Variants in RNF220 observed in about 807,000 individuals in gnomAD.
RNF220 encodes ring finger protein 220, also known as E3 ubiquitin-protein ligase RNF220.
RNF220 carries 7 observed loss-of-function variants against 67.1 expected under a neutral mutation model. That is an observed-to-expected ratio of 0.10 (90% CI 0.06 to 0.20). The LOEUF (loss-of-function observed/expected upper bound fraction) is 0.20. RNF220 is among the 10% of genes least tolerant of loss of function. RNF220 has a pLI of 1.00. For synonymous variants in RNF220, 270 were observed against 283.2 expected (o/e 0.95, Z 0.47); for missense variants, 565 against 740.3 (o/e 0.76, Z 2.75).
At chr1:44,520,453 G>A (rs567663751) in intron 2 of RNF220, among the ~76,000 whole-genome samples, 20 of 152,222 alleles carry the variant, frequency 1.3e-4, no homozygotes, top group Non-Finnish European at 2.4e-4. Flanking sequence ...GTGACAGAGC[G>A]AGACTCCGTC....
chr1:44,529,824 G>A (rs927406854), intron 2 of RNF220, among the ~76,000 whole-genome samples: 1 of 152,144 alleles, frequency 6.6e-6, no homozygotes, highest in Non-Finnish European at 1.5e-5. Flanking sequence ...GCCAAGGTGG[G>A]CGGATTGCCT....
At chr1:44,636,604 T>A in intron 8 of RNF220, 1 of 611,624 alleles carries the variant, frequency 1.6e-6, no homozygotes, top group Non-Finnish European at 3.0e-6. Flanking sequence ...TTCCTCCTCC[T>A]CCTCTTCAGC....
At chr1:44,471,017 A>C (rs115008088) in intron 2 of RNF220, among the ~76,000 whole-genome samples, 1 of 152,086 alleles carries the variant, frequency 6.6e-6, no homozygotes, top group East Asian at 1.9e-4. Context: ...ACTTGAGCTC[A>C]GGCATTCGAG....
At chr1:44,535,135 C>CTTTT (rs903715852) in intron 2 of RNF220, among the ~76,000 whole-genome samples, 93 of 102,956 alleles carry the variant, frequency 9.0e-4, no homozygotes, top group African/African-American at 1.7e-3. Context: ...GCAGCTTCTT[C>CTTTT]TTTTTTTTTT....
intron 2 of RNF220, among the ~76,000 whole-genome samples, chr1:44,458,336 GTTT>G (rs57080249): frequency 1.6e-4 from 22 of 141,202 alleles, no homozygotes; most frequent in South Asian, 2.2e-4. Flanking sequence ...GATTTTTCCA[GTTT>G]TTTTTTTTTT....
intron 2 of RNF220, among the ~76,000 whole-genome samples, chr1:44,581,115 C>T (rs370846705): frequency 3.3e-5 from 5 of 152,184 alleles, no homozygotes; most frequent in South Asian, 2.1e-4. Context: ...TGGTGCTGAT[C>T]GGGGAAGGTT....
At chr1:44,500,334 C>T (rs959078597) in intron 2 of RNF220, among the ~76,000 whole-genome samples, 5 of 152,216 alleles carry the variant, frequency 3.3e-5, no homozygotes, top group South Asian at 4.1e-4. Context: ...TTTTCTCAGA[C>T]GCTCCTTCCT....
At chr1:44,558,020 T>G (rs1663257089) in intron 2 of RNF220, among the ~76,000 whole-genome samples, 1 of 152,228 alleles carries the variant, frequency 6.6e-6, no homozygotes, top group African/African-American at 2.4e-5. Flanking sequence ...GTTCTCCTTC[T>G]TCCGTCACAT....
chr1:44,465,893 G>A (rs1320016032), intron 2 of RNF220, among the ~76,000 whole-genome samples: 2 of 152,060 alleles, frequency 1.3e-5, no homozygotes, highest in African/African-American at 4.8e-5. Flanking sequence ...GGAGAGTTTT[G>A]CCTTAATGTT....
chr1:44,599,169 G>C lies in RNF220; in HGVS notation c.626-14996G>C, dbSNP rs532713921. Among the ~76,000 whole-genome samples, 6 of 152,166 alleles carry C rather than the reference G, an allele frequency of 3.9e-5. No homozygotes were observed. The South Asian group carries it at 1.2e-3, about 32-fold the overall frequency. ...GGCACACTGCCTACGGGGTAGCCCT[G>C]CTCCACAAGGAGCAGTAAAAAAATT... On this transcript the variant is annotated intron_variant, in intron 2 of 14. Transcript: ENST00000361799.
intron 2 of RNF220, among the ~76,000 whole-genome samples, chr1:44,469,407 G>A (rs555342326): frequency 6.7e-6 from 1 of 150,016 alleles, no homozygotes; most frequent in African/African-American, 2.4e-5. Flanking sequence ...AGGAAGGGAA[G>A]GAAAATAATA....
At chr1:44,508,968 G>A (rs192137651) in intron 2 of RNF220, among the ~76,000 whole-genome samples, 59 of 152,270 alleles carry the variant, frequency 3.9e-4, no homozygotes, top group Admixed American at 2.7e-3. Context: ...CCCCTGGAGG[G>A]CACAGCAGCA....
intron 2 of RNF220, among the ~76,000 whole-genome samples, chr1:44,475,568 CA>C (rs35917344): frequency 0.2 from 14,380 of 71,104 alleles, 442 homozygotes; most frequent in Middle Eastern, 0.32. Context: ...GACTCGGTCT[CA>C]AAAAAAAAAA....
At chr1:44,580,216 A>G (rs1211212938) in intron 2 of RNF220, among the ~76,000 whole-genome samples, 1 of 152,130 alleles carries the variant, frequency 6.6e-6, no homozygotes, top group Non-Finnish European at 1.5e-5. Context: ...CTATTACATA[A>G]TGAAGCTGGG....
chr1:44,625,937 A>G (rs1381714765), intron 4 of RNF220, among the ~76,000 whole-genome samples: 1 of 152,088 alleles, frequency 6.6e-6, no homozygotes, highest in Non-Finnish European at 1.5e-5. Context: ...TAGCGGGTAT[A>G]TGGCTTTACC....
chr1:44,631,324 T>C (rs1224374111), intron 5 of RNF220, among the ~76,000 whole-genome samples: 2 of 152,234 alleles, frequency 1.3e-5, no homozygotes, highest in Non-Finnish European at 2.9e-5. Context: ...GACCTTTCAA[T>C]GTACACTTTC....
At position 44,650,195 on chromosome 1, in the gene RNF220, C is replaced by G; in HGVS notation, c.1629+238C>G. ...GTTCACTGCATTCTCCCTTCCCCGC[C>G]CCGGTCCCCGAAGGCCCACTGCATC... On this transcript the variant is annotated intron_variant, in intron 14 of 14. Coordinates refer to ENST00000361799, the MANE Select transcript of RNF220 (RefSeq NM_018150.4). This position sits in a 1 kb window ranked among gnomAD's most constrained non-coding sequence, Gnocchi z 4.3. 2 of 584,746 alleles carry G rather than the reference C, an allele frequency of 3.4e-6. No individual in the cohort carries two copies. The highest frequency in any genetic ancestry group is 6.1e-6 in the Non-Finnish European group (2 of 328,880). 36.2% of individuals were successfully genotyped at this position (584,746 alleles called of 1,614,324 possible). A position where few individuals can be genotyped will look rare whatever the true frequency, so the allele number is the denominator to read the frequency against.
At chr1:44,504,284 G>A (rs1658214519) in intron 2 of RNF220, among the ~76,000 whole-genome samples, 3 of 152,316 alleles carry the variant, frequency 2.0e-5, no homozygotes, top group Middle Eastern at 3.4e-3. Flanking sequence ...AAGCCAGGGG[G>A]CTAATGGGGG....
chr1:44,473,025 T>G (rs1654956644), intron 2 of RNF220, among the ~76,000 whole-genome samples: 1 of 152,156 alleles, frequency 6.6e-6, no homozygotes, highest in South Asian at 2.1e-4. Flanking sequence ...CTTTGAGGTT[T>G]TCCTGGGCTG....
Sources: gnomAD v4.1 joint callset for allele counts (sites outside exome capture counted in the v4.1 genomes callset) on GRCh38, gnomAD v4.1.1 for gene constraint, Gnocchi (gnomAD v3.1) non-coding constraint, MANE v1.5 for transcripts, NCBI Gene and HGNC (gene_info 2026-07-23, HGNC 2026-07-21) for gene names.